Variants in CGGBP1 observed in about 807,000 individuals in gnomAD.
The protein encoded by CGGBP1 is CGG triplet repeat-binding protein 1.
Under a neutral mutation model 11.4 loss-of-function variants are expected in CGGBP1, and 4 were observed. The ratio of observed to expected loss-of-function variants is 0.35; its 90% CI spans 0.17 to 0.80. CGGBP1 has a LOEUF of 0.80. Ranked by LOEUF, CGGBP1 falls within the 30% of genes least tolerant of loss-of-function variation. The pLI is 0.52. For missense variants in CGGBP1, 135 were observed against 202.1 expected (o/e 0.67, Z 2.01); for synonymous variants, 76 against 74.1 (o/e 1.03, Z -0.13).
chr3:88,066,296 G>T (rs146227647), intron 2 of CGGBP1, among the ~76,000 whole-genome samples: 1 of 152,168 alleles, frequency 6.6e-6, no homozygotes, highest in Admixed American at 6.5e-5. Flanking sequence ...ATCCGTGCCA[G>T]GGTGTGGTGG....
Position 88,083,941 on chromosome 3 carries a change from T to TTATATATATATATATATATATATA in CGGBP1, c.-228-25742_-228-25719dup, listed in dbSNP as rs78670676. The stretch of plus-strand genomic sequence containing the variant: ...AATAGGACAATGTAATGTACTTATT[T>TTATATATATATATATATATATATA]TATATATATATATATATATATATAT... On this transcript the variant is annotated intron_variant, in intron 2 of 3. Coordinates refer to the CGGBP1 transcript ENST00000462901. Among the ~76,000 whole-genome samples, 328 of 147,662 alleles carry TTATATATATATATATATATATATA rather than the reference T, an allele frequency of 2.2e-3. 4 individuals are homozygous for TTATATATATATATATATATATATA. The highest frequency in any genetic ancestry group is 3.7e-3 in the Non-Finnish European group (249 of 66,540).
chr3:88,129,896 T>G (rs1364652515), intron 2 of CGGBP1: 19 of 1,287,484 alleles, frequency 1.5e-5, no homozygotes, highest in Non-Finnish European at 1.9e-5. Flanking sequence ...AGTTTGAACT[T>G]TGTTTTTTAC....
chr3:88,113,032 T>G (rs1463214909), intron 2 of CGGBP1: 1 of 860,936 alleles, frequency 1.2e-6, no homozygotes, highest in Non-Finnish European at 1.7e-6. Flanking sequence ...ATATTGATAT[T>G]AGATAGCTGA....
chr3:88,103,986 T>G (rs369287288), intron 2 of CGGBP1, among the ~76,000 whole-genome samples: 1 of 151,974 alleles, frequency 6.6e-6, no homozygotes, highest in Non-Finnish European at 1.5e-5. Context: ...GGTCTCGAAC[T>G]CCTTACCTCA....
chr3:88,105,728 G>A (rs1226138723), intron 2 of CGGBP1, among the ~76,000 whole-genome samples: 2 of 151,978 alleles, frequency 1.3e-5, no homozygotes, highest in African/African-American at 4.8e-5. Flanking sequence ...ATGAGAAATG[G>A]CATCTTGGTA....
intron 2 of CGGBP1, among the ~76,000 whole-genome samples, chr3:88,106,308 G>C (rs1469732979): frequency 1.3e-5 from 2 of 152,022 alleles, no homozygotes; most frequent in Non-Finnish European, 2.9e-5. Flanking sequence ...TTCCTGTGCT[G>C]TAAGTTGAAA....
intron 1 of CGGBP1, chr3:88,143,986 A>G (rs530679817): frequency 1.3e-5 from 2 of 152,432 alleles, no homozygotes; most frequent in African/African-American, 2.4e-5. Context: ...CTTGCTTCTT[A>G]TTCCTCAGAT....
intron 2 of CGGBP1, among the ~76,000 whole-genome samples, chr3:88,135,963 C>T (rs1706757838): frequency 2.6e-5 from 4 of 151,992 alleles, no homozygotes; most frequent in Admixed American, 2.6e-4. Flanking sequence ...TTATTACATT[C>T]ATTATCACAT....
At chr3:88,110,888 T>G (rs1234067299) in intron 2 of CGGBP1, among the ~76,000 whole-genome samples, 1 of 152,138 alleles carries the variant, frequency 6.6e-6, no homozygotes, top group African/African-American at 2.4e-5. Context: ...GTTTTGCCTT[T>G]ATTTGCTGTT....
At chr3:88,069,441 C>A (rs145209700) in intron 2 of CGGBP1, among the ~76,000 whole-genome samples, 139 of 152,194 alleles carry the variant, frequency 9.1e-4, no homozygotes, top group South Asian at 9.1e-3. Flanking sequence ...GAAAGTGATT[C>A]TCAACTCTTA....
At chr3:88,126,404 A>G in intron 2 of CGGBP1, 2 of 1,037,728 alleles carry the variant, frequency 1.9e-6, no homozygotes, top group Non-Finnish European at 2.5e-6. Flanking sequence ...TTTCACATGA[A>G]AAGTGTTTGT....
intron 2 of CGGBP1, among the ~76,000 whole-genome samples, chr3:88,123,414 G>T (rs1302443887): frequency 6.6e-6 from 1 of 152,122 alleles, no homozygotes; most frequent in Non-Finnish European, 1.5e-5. Context: ...ACAAAGATTG[G>T]CAAGAGTCAA....
intron 2 of CGGBP1, among the ~76,000 whole-genome samples, chr3:88,104,118 A>G (rs533381146): frequency 6.6e-6 from 1 of 152,230 alleles, no homozygotes; most frequent in East Asian, 1.9e-4. Flanking sequence ...GTAATCAAAA[A>G]CTGAGGTAAT....
intron 2 of CGGBP1, among the ~76,000 whole-genome samples, chr3:88,089,220 G>A (rs894656352): frequency 2.0e-5 from 3 of 150,094 alleles, no homozygotes; most frequent in Non-Finnish European, 4.4e-5. Flanking sequence ...GCCCGGGTGC[G>A]GTGGCTCACG....
intron 2 of CGGBP1, among the ~76,000 whole-genome samples, chr3:88,075,888 T>C (rs4858993): frequency 0.02 from 3,040 of 152,282 alleles, 202 homozygotes; most frequent in Admixed American, 0.14. Flanking sequence ...CTCACTCTTG[T>C]ATCTGACTTA....
At chr3:88,100,462 C>G (rs1018623130) in intron 2 of CGGBP1, among the ~76,000 whole-genome samples, 2 of 152,184 alleles carry the variant, frequency 1.3e-5, no homozygotes, top group African/African-American at 4.8e-5. Context: ...ACCCAGCCAT[C>G]CCATTACTGG....
chr3:88,129,868 CA>C, intron 2 of CGGBP1: 1 of 1,344,818 alleles, frequency 7.4e-7, no homozygotes. Flanking sequence ...GTAAGATGGG[CA>C]ACAGAAAGGA....
chr3:88,123,853 G>C (rs1247331606), intron 2 of CGGBP1, among the ~76,000 whole-genome samples: 2 of 152,126 alleles, frequency 1.3e-5, no homozygotes, highest in Non-Finnish European at 2.9e-5. Flanking sequence ...TAGAGTAGTT[G>C]AATTTTCGGG....
intron 1 of CGGBP1, chr3:88,143,294 G>A (rs764432857): frequency 1.3e-5 from 2 of 152,116 alleles, no homozygotes; most frequent in African/African-American, 4.8e-5. Context: ...ATGGTCATAA[G>A]TCCATTCCAA....
Sources: gnomAD v4.1 joint callset for allele counts (sites outside exome capture counted in the v4.1 genomes callset) on GRCh38, gnomAD v4.1.1 for gene constraint, MANE v1.5 for transcripts, NCBI Gene and HGNC (gene_info 2026-07-23, HGNC 2026-07-21) for gene names.